SUCLG2: variants seen among roughly 807,000 people sequenced by gnomAD.
SUCLG2 encodes succinate-CoA ligase GDP-forming subunit beta.
In SUCLG2, 42 loss-of-function variants were observed where a neutral mutation model predicts 47.9. That is an observed-to-expected ratio of 0.88 (90% CI 0.69 to 1.14). The LOEUF (loss-of-function observed/expected upper bound fraction) is 1.14. SUCLG2 is among the 50% of genes most tolerant of loss of function. SUCLG2 has a pLI of 0.00. For synonymous variants in SUCLG2, 195 were observed against 197.3 expected (o/e 0.99, Z 0.10); for missense variants, 571 against 525.9 (o/e 1.09, Z -0.84).
intron 6 of SUCLG2, among the ~76,000 whole-genome samples, chr3:67,516,038 C>G (rs1014866215): frequency 1.3e-5 from 2 of 152,052 alleles, no homozygotes; most frequent in Non-Finnish European, 2.9e-5. Context: ...AGATATCTAC[C>G]GGTCTGTGAG....
chr3:67,401,755 G>A (rs58040840), intron 9 of SUCLG2, among the ~76,000 whole-genome samples: 10,701 of 152,170 alleles, frequency 0.07, 384 homozygotes, highest in Middle Eastern at 0.13. Context: ...CAACAGTAGA[G>A]TCACAATTAA....
chr3:67,527,003 A>G (rs1706273535), intron 4 of SUCLG2, among the ~76,000 whole-genome samples: 1 of 152,264 alleles, frequency 6.6e-6, no homozygotes, highest in Non-Finnish European at 1.5e-5. Context: ...ATAGCAAGAA[A>G]AAGGACTGTA....
At chr3:67,408,794 TAAACTC>T in intron 9 of SUCLG2, 2 of 1,347,242 alleles carry the variant, frequency 1.5e-6, no homozygotes, top group Non-Finnish European at 9.5e-7. Flanking sequence ...CCCTGGTAAA[TAAACTC>T]AATGAGCTTA....
intron 9 of SUCLG2, among the ~76,000 whole-genome samples, chr3:67,444,072 C>A (rs1299742003): frequency 1.8e-5 from 2 of 112,404 alleles, no homozygotes; most frequent in Admixed American, 9.9e-5. Context: ...AGGGGTCAGC[C>A]CCCCGCCTGG....
chr3:67,640,232 T>C (rs886457407), intron 1 of SUCLG2, among the ~76,000 whole-genome samples: 1 of 152,192 alleles, frequency 6.6e-6, no homozygotes, highest in Admixed American at 6.5e-5. Flanking sequence ...ACTCATCTCG[T>C]GTACTGCCAA....
intron 2 of SUCLG2, among the ~76,000 whole-genome samples, chr3:67,601,057 C>T (rs1230115834): frequency 6.6e-6 from 1 of 152,016 alleles, no homozygotes; most frequent in Non-Finnish European, 1.5e-5. Context: ...TATCATAAAA[C>T]CTTAAAATAA....
chr3:67,471,717 C>A (rs1704609847), intron 9 of SUCLG2, among the ~76,000 whole-genome samples: 1 of 113,140 alleles, frequency 8.8e-6, no homozygotes, highest in South Asian at 2.7e-4. Context: ...TCTGTGTTAC[C>A]CCTCAGCCAG....
At chr3:67,501,626 G>A (rs991061989) in intron 7 of SUCLG2, among the ~76,000 whole-genome samples, 9 of 152,004 alleles carry the variant, frequency 5.9e-5, no homozygotes, top group Admixed American at 2.0e-4. Context: ...GGGGCTGGTC[G>A]CCAGAAAGAC....
intron 9 of SUCLG2, among the ~76,000 whole-genome samples, chr3:67,434,004 G>A (rs761684337): frequency 1.3e-5 from 2 of 152,088 alleles, no homozygotes; most frequent in Non-Finnish European, 2.9e-5. Context: ...AAATCCAAGA[G>A]GCCACCACAC....
At chr3:67,372,501 G>C (rs1254586691), downstream of SUCLG2, among the ~76,000 whole-genome samples, 1 of 152,124 alleles carries the variant, frequency 6.6e-6, no homozygotes, top group African/African-American at 2.4e-5. Context: ...GCAGCCCTTT[G>C]GTAGTTTAAT....
chr3:67,549,947 T>A (rs1706969625), intron 2 of SUCLG2, among the ~76,000 whole-genome samples: 2 of 152,170 alleles, frequency 1.3e-5, no homozygotes, highest in Admixed American at 6.5e-5. Context: ...GCTTATTACG[T>A]ATTAGATTAA....
In SUCLG2 at chr3:67,630,985, A is replaced by G. The variant is rs544180456; in HGVS notation, c.85-21389T>C. The stretch of plus-strand genomic sequence containing the variant: ...TCTACTCCCCGATCCTTTAAGAAAA[A>G]GTTTGCAGACCAATGTCCTATGAAG... On this transcript the variant is annotated intron_variant, in intron 1 of 10. Transcript: ENST00000307227. 4.6e-5 allele frequency among the ~76,000 whole-genome samples: 7 copies of G among 152,298 alleles called. No individual in the cohort carries two copies. The East Asian group carries it at 9.6e-4, about 21-fold the overall frequency.
intron 9 of SUCLG2, among the ~76,000 whole-genome samples, chr3:67,449,647 A>T: frequency 6.6e-6 from 1 of 151,118 alleles, no homozygotes; most frequent in African/African-American, 2.4e-5. Context: ...TCATAGTCTC[A>T]CTCTGTTGCC....
chr3:67,390,814 G>C (rs1173384899), intron 10 of SUCLG2, among the ~76,000 whole-genome samples: 1 of 152,132 alleles, frequency 6.6e-6, no homozygotes, highest in Non-Finnish European at 1.5e-5. Flanking sequence ...TAAACAAAAT[G>C]TTTTGAGTGG....
chr3:67,560,575 G>C (rs1489471327), intron 2 of SUCLG2, among the ~76,000 whole-genome samples: 1 of 152,086 alleles, frequency 6.6e-6, no homozygotes, highest in East Asian at 1.9e-4. Flanking sequence ...TTGTGGTGGG[G>C]GTTCAATTAT....
chr3:67,449,566 T>TTA (rs5849756), intron 9 of SUCLG2, among the ~76,000 whole-genome samples: 5 of 151,870 alleles, frequency 3.3e-5, no homozygotes, highest in African/African-American at 1.2e-4. Flanking sequence ...TTTTTTTTTT[T>TTA]ACCACAACAG....
intron 9 of SUCLG2, chr3:67,408,902 T>C: frequency 6.7e-7 from 1 of 1,501,298 alleles, no homozygotes; most frequent in Non-Finnish European, 8.8e-7. Flanking sequence ...TCTGGCAGTC[T>C]CTCTATAATC....
At chr3:67,563,381 C>T (rs1386476076) in intron 2 of SUCLG2, among the ~76,000 whole-genome samples, 1 of 152,090 alleles carries the variant, frequency 6.6e-6, no homozygotes, top group African/African-American at 2.4e-5. Flanking sequence ...AGTTTCAAGT[C>T]CTCAACTAGC....
chr3:67,572,719 G>A (rs1707646676), intron 2 of SUCLG2, among the ~76,000 whole-genome samples: 1 of 152,056 alleles, frequency 6.6e-6, no homozygotes, highest in Admixed American at 6.5e-5. Flanking sequence ...CATACTTACT[G>A]GGAGAGAATT....
Sources: gnomAD v4.1 joint callset for allele counts (sites outside exome capture counted in the v4.1 genomes callset) on GRCh38, gnomAD v4.1.1 for gene constraint, MANE v1.5 for transcripts, NCBI Gene and HGNC (gene_info 2026-07-23, HGNC 2026-07-21) for gene names.